The following EEPD1 variants were observed in gnomAD, a reference collection of about 807,000 sequenced individuals.
EEPD1 encodes endonuclease/exonuclease/phosphatase family domain containing 1, also known as endonuclease/exonuclease/phosphatase family domain-containing protein 1.
Under a neutral mutation model 46.3 loss-of-function variants are expected in EEPD1, and 17 were observed. The observed-to-expected ratio is 0.37, with a 90% CI of 0.25 to 0.55. EEPD1 has a LOEUF of 0.55. Ranked by LOEUF, EEPD1 falls within the 20% of genes least tolerant of loss-of-function variation. The probability of loss-of-function intolerance (pLI) is 0.83; values close to 1 mark genes in which losing one functional copy is unlikely to be tolerated. For missense variants in EEPD1, 673 were observed against 745.6 expected, an observed-to-expected ratio of 0.90 and a Z score of 1.13; for synonymous variants, 313 against 315.6, an observed-to-expected ratio of 0.99 and a Z score of 0.09.
intron 2 of EEPD1, among the ~76,000 whole-genome samples, chr7:36,197,278 C>A (rs1349469822): frequency 2.1e-5 from 3 of 145,188 alleles, no homozygotes; most frequent in African/African-American, 5.4e-5. Flanking sequence ...CCGCCCCGTC[C>A]GGGAGGGAGG....
chr7:36,291,846 A>G (rs1219347863), intron 6 of EEPD1, among the ~76,000 whole-genome samples: 1 of 152,238 alleles, frequency 6.6e-6, no homozygotes, highest in Non-Finnish European at 1.5e-5. Flanking sequence ...GCTGTGGGAC[A>G]ACAAGGGTCA....
chr7:36,227,121 T>G (rs936836290), intron 2 of EEPD1, among the ~76,000 whole-genome samples: 3 of 152,190 alleles, frequency 2.0e-5, no homozygotes, highest in Non-Finnish European at 2.9e-5. Context: ...AAGTTTAAAG[T>G]GATTACTTGT....
chr7:36,230,644 T>G (rs569039890), intron 2 of EEPD1: 20 of 152,314 alleles, frequency 1.3e-4, no homozygotes, highest in African/African-American at 4.6e-4. Context: ...TCAGGAAGCC[T>G]CCCAGCTTTG....
At chr7:36,166,564 A>G (rs560613307) in intron 2 of EEPD1, among the ~76,000 whole-genome samples, 2 of 152,194 alleles carry the variant, frequency 1.3e-5, no homozygotes, top group East Asian at 3.9e-4. Context: ...CTACAAACAA[A>G]CAAACAAACA....
At chr7:36,280,720 G>A (rs1410218572) in intron 3 of EEPD1, among the ~76,000 whole-genome samples, 2 of 147,112 alleles carry the variant, frequency 1.4e-5, no homozygotes, top group East Asian at 3.9e-4. Flanking sequence ...AAGTCACCAT[G>A]TATCCATCTT....
Position 36,167,814 on chromosome 7 carries a change from C to T in EEPD1, c.878+12612C>T, listed in dbSNP as rs139089693. On this transcript the variant is annotated intron_variant, in intron 2 of 7. Transcript: ENST00000242108. ...CAGTGCAACCTGTGCCTCCCTGGTT[C>T]AAGCGATTCTCCTGCCTCAGCCTGC... Among the ~76,000 whole-genome samples the T allele has an allele frequency of 2.8e-3, 433 of 152,252 alleles. 3 individuals carry two copies. The highest frequency in any genetic ancestry group is 9.9e-3 in the African/African-American group (411 of 41,544).
chr7:36,280,817 CT>C (rs1413522112), intron 3 of EEPD1, among the ~76,000 whole-genome samples: 3 of 152,172 alleles, frequency 2.0e-5, no homozygotes, highest in Non-Finnish European at 4.4e-5. Flanking sequence ...ATTCTGATGA[CT>C]TTTTTTGAAC....
chr7:36,182,824 C>G (rs1785298139), intron 2 of EEPD1, among the ~76,000 whole-genome samples: 1 of 152,228 alleles, frequency 6.6e-6, no homozygotes, highest in South Asian at 2.1e-4. Flanking sequence ...AAAACTGCAC[C>G]TGTGAAGTTA....
intron 2 of EEPD1, among the ~76,000 whole-genome samples, chr7:36,166,496 G>A (rs574291736): frequency 1.3e-5 from 2 of 152,122 alleles, no homozygotes; most frequent in Non-Finnish European, 2.9e-5. Context: ...CTAGGTGGAA[G>A]GATCACTTGA....
chr7:36,170,608 A>T (rs1785062115), intron 2 of EEPD1, among the ~76,000 whole-genome samples: 1 of 149,406 alleles, frequency 6.7e-6, no homozygotes. Flanking sequence ...GAAAGATTAA[A>T]TTATCTTTTT....
At chr7:36,295,409 G>A (rs537819399) in intron 6 of EEPD1, among the ~76,000 whole-genome samples, 1 of 152,172 alleles carries the variant, frequency 6.6e-6, no homozygotes, top group East Asian at 1.9e-4. Flanking sequence ...TACCTCATAA[G>A]TATCCATGAG....
chr7:36,241,695 G>A (rs539621077), intron 3 of EEPD1, among the ~76,000 whole-genome samples: 4 of 152,004 alleles, frequency 2.6e-5, no homozygotes, highest in African/African-American at 7.2e-5. Flanking sequence ...GGTGAAACCC[G>A]GTCTCTGCTA....
chr7:36,161,226 G>T (rs10951462), intron 2 of EEPD1, among the ~76,000 whole-genome samples: 8,302 of 152,264 alleles, frequency 0.055, 992 homozygotes, highest in East Asian at 0.41. Context: ...ACCTGATGAG[G>T]TCAGAGGCAT....
chr7:36,238,034 A>G (rs1786489375), intron 2 of EEPD1, among the ~76,000 whole-genome samples: 1 of 152,184 alleles, frequency 6.6e-6, no homozygotes, highest in Non-Finnish European at 1.5e-5. Context: ...TGAGTTTTCT[A>G]GGAAAGGGGT....
intron 3 of EEPD1, among the ~76,000 whole-genome samples, chr7:36,244,766 GATT>G (rs1786609035): frequency 8.3e-6 from 1 of 120,100 alleles, no homozygotes; most frequent in African/African-American, 3.2e-5. Flanking sequence ...TTTCAGAGTT[GATT>G]TTTTTTTTTT....
intron 2 of EEPD1, among the ~76,000 whole-genome samples, chr7:36,168,156 A>T (rs184121955): frequency 1.0e-3 from 158 of 152,320 alleles, no homozygotes; most frequent in African/African-American, 3.5e-3. Context: ...AGCCATGCAC[A>T]TATGGTGGAG....
chr7:36,219,806 A>AGAGAGAGAGAGAGTGTGTGTGTGT (rs1341203087), intron 2 of EEPD1, among the ~76,000 whole-genome samples: 1 of 75,400 alleles, frequency 1.3e-5, no homozygotes, highest in Non-Finnish European at 2.6e-5. Flanking sequence ...AGAGAGAGAG[A>AGAGAGAGAGAGAGTGTGTGTGTGT]GTGTGTGTGT....
chr7:36,256,838 G>C (rs568954231), intron 3 of EEPD1, among the ~76,000 whole-genome samples: 1 of 152,108 alleles, frequency 6.6e-6, no homozygotes, highest in Non-Finnish European at 1.5e-5. Context: ...GGTTAATATT[G>C]TTATGTGTGA....
rs974979013 is a variant in EEPD1 at position 36,300,622 on chromosome 7, C to T, written c.*1416C>T. ...CCGAACACTAAATGTGGACCAGTATCAAGAACCCTCCTGTCCCCACGCAGT... is the reference window on the plus strand; with the variant it reads ...CCGAACACTAAATGTGGACCAGTATTAAGAACCCTCCTGTCCCCACGCAGT... On this transcript the variant is annotated 3_prime_UTR_variant, in exon 8 of 8. Coordinates refer to ENST00000242108, the MANE Select transcript of EEPD1 (RefSeq NM_030636.3). 2 of 152,250 alleles carry T rather than the reference C, an allele frequency of 1.3e-5. No individual in the cohort carries two copies. The highest frequency in any genetic ancestry group is 4.8e-5 in the African/African-American group (2 of 41,452). 9.4% of individuals were successfully genotyped at this position (152,250 alleles called of 1,614,324 possible).
Sources: gnomAD v4.1 joint callset for allele counts (sites outside exome capture counted in the v4.1 genomes callset) on GRCh38, gnomAD v4.1.1 for gene constraint, MANE v1.5 for transcripts, NCBI Gene and HGNC (gene_info 2026-07-23, HGNC 2026-07-21) for gene names.